The following RASSF8 variants were observed in gnomAD, a reference collection of about 807,000 sequenced individuals.
RASSF8 encodes Ras association domain family member 8, also known as ras association domain-containing protein 8.
In RASSF8, 22 loss-of-function variants were observed where a neutral mutation model predicts 48.5. The ratio of observed to expected loss-of-function variants is 0.45; its 90% CI spans 0.32 to 0.65. The LOEUF (loss-of-function observed/expected upper bound fraction) is 0.65, where lower values mean the gene tolerates loss of function less well. Ranked by LOEUF, RASSF8 falls within the 30% of genes least tolerant of loss-of-function variation. The pLI, the probability that RASSF8 is intolerant of heterozygous loss-of-function variation, is 0.03. For synonymous variants in RASSF8, 127 were observed against 171.5 expected, an observed-to-expected ratio of 0.74 and a Z score of 2.03; for missense variants, 418 against 489.2, an observed-to-expected ratio of 0.85 and a Z score of 1.37.
chr12:26,050,310 G>T (rs544926370), intron 2 of RASSF8, among the ~76,000 whole-genome samples: 2 of 152,100 alleles, frequency 1.3e-5, no homozygotes, highest in South Asian at 2.1e-4. Context: ...CTGAAAATTT[G>T]CATTGCTATT....
At chr12:25,963,224 TAAGAG>T (rs1194750928) in intron 1 of RASSF8, among the ~76,000 whole-genome samples, 1 of 149,312 alleles carries the variant, frequency 6.7e-6, no homozygotes. Context: ...ACCATACACT[TAAGAG>T]AGAGGAGGAG....
intron 2 of RASSF8, among the ~76,000 whole-genome samples, chr12:26,039,919 T>G (rs2729636): frequency 1.3e-5 from 2 of 152,144 alleles, no homozygotes; most frequent in African/African-American, 4.8e-5. Flanking sequence ...AATGTTTGTC[T>G]TTTTTGTCTT....
At chr12:26,012,024 T>A (rs907864534) in intron 2 of RASSF8, among the ~76,000 whole-genome samples, 1 of 152,250 alleles carries the variant, frequency 6.6e-6, no homozygotes, top group Non-Finnish European at 1.5e-5. Context: ...CTGTAGTGAA[T>A]GTTTTTTGAA....
chr12:26,058,442 A>C (rs1215769308), intron 3 of RASSF8, among the ~76,000 whole-genome samples: 3 of 152,350 alleles, frequency 2.0e-5, no homozygotes, highest in Admixed American at 1.3e-4. Flanking sequence ...GGTGGCTGTC[A>C]AGAATGTATA....
chr12:26,002,195 G>A (rs1942275981), intron 2 of RASSF8, among the ~76,000 whole-genome samples: 1 of 152,234 alleles, frequency 6.6e-6, no homozygotes, highest in Non-Finnish European at 1.5e-5. Context: ...CACTTTGGGA[G>A]GCCAAGGCGG....
chr12:26,076,385 G>A (rs1297263424), downstream of RASSF8, among the ~76,000 whole-genome samples: 1 of 151,864 alleles, frequency 6.6e-6, no homozygotes, highest in East Asian at 1.9e-4. Context: ...CATTTACATT[G>A]GGCATTTCTC....
At chr12:25,963,248 A>T (rs981932250) in intron 1 of RASSF8, among the ~76,000 whole-genome samples, 21 of 150,904 alleles carry the variant, frequency 1.4e-4, no homozygotes, top group Admixed American at 4.0e-4. Flanking sequence ...AGTTTTTTTT[A>T]AAAAAAGTGG....
intron 3 of RASSF8, among the ~76,000 whole-genome samples, chr12:26,061,320 T>C (rs1456941664): frequency 1.3e-5 from 2 of 152,180 alleles, no homozygotes; most frequent in African/African-American, 2.4e-5. Context: ...TAAGCTGTTA[T>C]CCTGTTTTCT....
At chr12:26,039,230 C>G (rs1943213921) in intron 2 of RASSF8, among the ~76,000 whole-genome samples, 1 of 152,156 alleles carries the variant, frequency 6.6e-6, no homozygotes, top group African/African-American at 2.4e-5. Context: ...GTAGATACGA[C>G]AGTCTTCATT....
At chr12:26,053,981 G>T (rs1943548500) in intron 2 of RASSF8, among the ~76,000 whole-genome samples, 1 of 152,176 alleles carries the variant, frequency 6.6e-6, no homozygotes, top group African/African-American at 2.4e-5. Context: ...AAGGGACTAA[G>T]CCACTGTTTG....
downstream of RASSF8, among the ~76,000 whole-genome samples, chr12:26,076,069 A>G (rs529129697): frequency 6.6e-6 from 1 of 152,268 alleles, no homozygotes; most frequent in Admixed American, 6.5e-5. Flanking sequence ...AAGGCCACAT[A>G]GAAGAAACAA....
intron 3 of RASSF8, among the ~76,000 whole-genome samples, chr12:26,061,438 T>C (rs1220953958): frequency 1.3e-5 from 2 of 152,192 alleles, no homozygotes; most frequent in African/African-American, 2.4e-5. Context: ...TTAGTCTCAG[T>C]TGCTTCAATA....
At chr12:25,964,501 T>C (rs1452505123) in intron 1 of RASSF8, among the ~76,000 whole-genome samples, 1 of 152,200 alleles carries the variant, frequency 6.6e-6, no homozygotes, top group Non-Finnish European at 1.5e-5. Flanking sequence ...AGGTAATATA[T>C]TTTGTCACTG....
intron 2 of RASSF8, among the ~76,000 whole-genome samples, chr12:26,013,020 C>T (rs989195389): frequency 3.9e-5 from 6 of 152,166 alleles, no homozygotes; most frequent in African/African-American, 1.4e-4. Flanking sequence ...TGTCTTCTTG[C>T]TCTGTTCCTA....
At chr12:25,982,830 A>G (rs1941776073) in intron 1 of RASSF8, among the ~76,000 whole-genome samples, 1 of 152,218 alleles carries the variant, frequency 6.6e-6, no homozygotes, top group African/African-American at 2.4e-5. Context: ...TCCGCAGAAA[A>G]TCTCAGAAAA....
intron 1 of RASSF8, among the ~76,000 whole-genome samples, chr12:25,975,660 T>C (rs1383583761): frequency 6.6e-6 from 1 of 152,204 alleles, no homozygotes; most frequent in Non-Finnish European, 1.5e-5. Context: ...GCTTGCAATC[T>C]AGCAAAGCAA....
At chr12:25,979,897 G>C (rs529361429) in intron 1 of RASSF8, among the ~76,000 whole-genome samples, 1 of 152,186 alleles carries the variant, frequency 6.6e-6, no homozygotes, top group Non-Finnish European at 1.5e-5. Context: ...TTGCTGGAGC[G>C]GGTGAAGGAT....
chr12:26,035,408 A>G (rs1943113327), intron 2 of RASSF8, among the ~76,000 whole-genome samples: 1 of 140,150 alleles, frequency 7.1e-6, no homozygotes, highest in African/African-American at 2.6e-5. Flanking sequence ...AAATTATATA[A>G]TTATATAAGT....
At position 26,071,913 on chromosome 12, in the gene RASSF8, C is replaced by A. The variant is rs10842663; in HGVS notation, c.*3095C>A. ...TCCACAGCATAAATGTAATTTACAT[C>A]TGCATTAAAGGATAATTTTCTCTGT... On this transcript the variant is annotated 3_prime_UTR_variant, in exon 6 of 6. Transcript: ENST00000689635. 225,406 of 984,418 alleles carry A rather than the reference C, an allele frequency of 0.23. 26,220 individuals are homozygous for A. Among genetic ancestry groups the A allele is most frequent in the Middle Eastern group, 0.28 (538 of 1,912 alleles). The allele number at this position is 984,418 out of a possible 1,614,324, so 61.0% of individuals were successfully genotyped here.
Sources: allele counts gnomAD v4.1 joint callset (sites outside exome capture counted in the v4.1 genomes callset), GRCh38; gene constraint gnomAD v4.1.1; transcripts MANE v1.5; gene names NCBI Gene and HGNC (gene_info 2026-07-23, HGNC 2026-07-21).